The following DOCK3 variants were observed in gnomAD, a reference collection of about 807,000 sequenced individuals.
DOCK3 encodes dedicator of cytokinesis 3, also known as dedicator of cytokinesis protein 3.
DOCK3 carries 60 observed loss-of-function variants against 265.6 expected under a neutral mutation model. That is an observed-to-expected ratio of 0.23 (90% confidence interval 0.18 to 0.28). DOCK3 has a LOEUF of 0.28. Ranked by LOEUF, DOCK3 falls within the 10% of genes least tolerant of loss-of-function variation. The probability of loss-of-function intolerance (pLI) is 1.00; values close to 1 mark genes in which losing one functional copy is unlikely to be tolerated. For missense variants in DOCK3, 1,981 were observed against 2,594.3 expected (o/e 0.76, Z 5.14); for synonymous variants, 881 against 938.0 (o/e 0.94, Z 1.11).
chr3:51,296,416 A>G (rs2082080507), intron 27 of DOCK3, among the ~76,000 whole-genome samples: 1 of 152,182 alleles, frequency 6.6e-6, no homozygotes, highest in Admixed American at 6.6e-5. Context: ...TTGTACTAAC[A>G]TAAAGATAGA....
intron 1 of DOCK3, among the ~76,000 whole-genome samples, chr3:50,767,551 A>G (rs1286442511): frequency 1.3e-5 from 2 of 152,128 alleles, no homozygotes; most frequent in Non-Finnish European, 2.9e-5. Context: ...GTCAGGTAGC[A>G]TGATGCTTCC....
At chr3:51,203,922 C>G (rs1306239996) in intron 12 of DOCK3, among the ~76,000 whole-genome samples, 1 of 152,116 alleles carries the variant, frequency 6.6e-6, no homozygotes, top group Admixed American at 6.6e-5. Flanking sequence ...GGAAAGGATT[C>G]CCTATTTAAT....
chr3:50,870,743 A>G (rs2047396079), intron 3 of DOCK3, among the ~76,000 whole-genome samples: 1 of 149,652 alleles, frequency 6.7e-6, no homozygotes, highest in Admixed American at 6.7e-5. Flanking sequence ...TGGTGATATG[A>G]TTTAATTTTT....
intron 5 of DOCK3, among the ~76,000 whole-genome samples, chr3:51,011,140 G>C (rs2078934001): frequency 6.6e-6 from 1 of 152,212 alleles, no homozygotes; most frequent in Non-Finnish European, 1.5e-5. Flanking sequence ...GGTGTTCTTT[G>C]TATTTCCTGA....
At chr3:50,698,899 C>T (rs2035844775) in intron 1 of DOCK3, among the ~76,000 whole-genome samples, 1 of 152,056 alleles carries the variant, frequency 6.6e-6, no homozygotes, top group South Asian at 2.1e-4. Flanking sequence ...TTCTAGATAT[C>T]AATCCTTTAT....
intron 1 of DOCK3, among the ~76,000 whole-genome samples, chr3:50,737,239 C>A (rs1014657832): frequency 3.9e-5 from 6 of 152,086 alleles, no homozygotes; most frequent in African/African-American, 1.4e-4. Flanking sequence ...GCTTTTGTTG[C>A]CATTGCTTTT....
chr3:51,293,905 C>T (rs1261841054), intron 27 of DOCK3, among the ~76,000 whole-genome samples: 1 of 152,146 alleles, frequency 6.6e-6, no homozygotes, highest in African/African-American at 2.4e-5. Context: ...TGAGATATCA[C>T]GTCACATTTG....
chr3:51,116,380 G>A (rs1365945660), intron 9 of DOCK3, among the ~76,000 whole-genome samples: 7 of 150,154 alleles, frequency 4.7e-5, no homozygotes, highest in Admixed American at 4.0e-4. Flanking sequence ...GAACCCGGGA[G>A]GTGGAGCTTG....
At chr3:50,962,847 G>A (rs1163446972) in intron 5 of DOCK3, among the ~76,000 whole-genome samples, 1 of 152,238 alleles carries the variant, frequency 6.6e-6, no homozygotes, top group South Asian at 2.1e-4. Context: ...CAATGCTTTA[G>A]AAATTAACCT....
At chr3:50,707,459 G>T (rs2036486926) in intron 1 of DOCK3, among the ~76,000 whole-genome samples, 1 of 151,792 alleles carries the variant, frequency 6.6e-6, no homozygotes, top group Non-Finnish European at 1.5e-5. Context: ...AAATTACCCA[G>T]TCCTTGGTAT....
At chr3:50,766,518 A>G (rs1474202922) in intron 1 of DOCK3, among the ~76,000 whole-genome samples, 1 of 151,940 alleles carries the variant, frequency 6.6e-6, no homozygotes, top group Non-Finnish European at 1.5e-5. Context: ...AATTCAGTCT[A>G]TCATTGATGG....
chr3:51,089,114 C>T (rs2082537176), intron 7 of DOCK3, 129 bp from the exon 8 acceptor site: 6 of 980,306 alleles, frequency 6.1e-6, no homozygotes, highest in Middle Eastern at 2.8e-4. Flanking sequence ...ACTTATTTTA[C>T]AAAGTTATCA....
At chr3:51,184,195 C>A (rs1305414616) in intron 12 of DOCK3, among the ~76,000 whole-genome samples, 1 of 151,940 alleles carries the variant, frequency 6.6e-6, no homozygotes, top group Non-Finnish European at 1.5e-5. Context: ...CCTGTAATCC[C>A]AGCTACTCAG....
chr3:51,299,426 T>A (rs1237940654), intron 27 of DOCK3, among the ~76,000 whole-genome samples: 1 of 152,196 alleles, frequency 6.6e-6, no homozygotes, highest in Non-Finnish European at 1.5e-5. Context: ...TTTAATTAGA[T>A]CCCATTTGTC....
chr3:51,009,058 G>A (rs1282884553), intron 5 of DOCK3, among the ~76,000 whole-genome samples: 1 of 152,132 alleles, frequency 6.6e-6, no homozygotes, highest in Non-Finnish European at 1.5e-5. Flanking sequence ...GTGTTCATCA[G>A]GGATATTAGT....
In DOCK3 at chr3:51,350,271, A is replaced by T. The variant is rs1009579348; in HGVS notation, c.4003-17A>T. On this transcript the variant is annotated splice_polypyrimidine_tract_variant and intron_variant, in intron 39 of 52. Transcript: ENST00000266037. ...CAACAGCAGTCAAGCCAACCTGAAG[A>T]CCTTTCTCATTCACAGAAAATGGAG... 1 of 1,593,430 alleles carries T rather than the reference A, an allele frequency of 6.3e-7. No individual in the cohort carries two copies. The highest frequency in any genetic ancestry group is 1.9e-5 in the Admixed American group (1 of 53,520).
At chr3:50,958,454 G>A (rs999797293) in intron 5 of DOCK3, among the ~76,000 whole-genome samples, 3 of 151,896 alleles carry the variant, frequency 2.0e-5, no homozygotes, top group Non-Finnish European at 2.9e-5. Context: ...ATGTCTTTTC[G>A]GCCTCTGTGC....
At chr3:50,986,394 C>A (rs1477103341) in intron 5 of DOCK3, among the ~76,000 whole-genome samples, 1 of 152,184 alleles carries the variant, frequency 6.6e-6, no homozygotes, top group Admixed American at 6.5e-5. Context: ...TGACAAATGT[C>A]AGTGAAATTG....
At chr3:50,910,707 G>A (rs892691934) in intron 4 of DOCK3, among the ~76,000 whole-genome samples, 3 of 152,266 alleles carry the variant, frequency 2.0e-5, no homozygotes, top group Admixed American at 2.0e-4. Context: ...CCAATGCAAA[G>A]CCCCACAGTC....
Sources: allele counts gnomAD v4.1 joint callset (sites outside exome capture counted in the v4.1 genomes callset), GRCh38; gene constraint gnomAD v4.1.1; transcripts MANE v1.5; gene names NCBI Gene and HGNC (gene_info 2026-07-23, HGNC 2026-07-21).